IL1RAP: variants seen among roughly 807,000 people sequenced by gnomAD.
IL1RAP encodes interleukin-1 receptor accessory protein.
IL1RAP carries 35 observed loss-of-function variants against 60.7 expected under a neutral mutation model. That is an observed-to-expected ratio of 0.58 (90% confidence interval 0.44 to 0.76). The LOEUF (loss-of-function observed/expected upper bound fraction) is 0.76, where lower values mean the gene tolerates loss of function less well. Among genes scored for constraint, IL1RAP ranks in the 30% least tolerant of loss-of-function variants. The pLI is 0.00. For missense variants in IL1RAP, 572 were observed against 693.9 expected (o/e 0.82, Z 1.97); for synonymous variants, 268 against 250.9 (o/e 1.07, Z -0.64).
intron 5 of IL1RAP, among the ~76,000 whole-genome samples, chr3:190,612,205 C>G (rs1041764379): frequency 3.3e-5 from 5 of 152,030 alleles, no homozygotes; most frequent in Admixed American, 2.6e-4. Context: ...AGTAAAGATA[C>G]AGGAGCTCGT....
intron 2 of IL1RAP, among the ~76,000 whole-genome samples, chr3:190,561,509 A>AT (rs2108619614): frequency 6.6e-6 from 1 of 152,312 alleles, no homozygotes; most frequent in East Asian, 1.9e-4. Context: ...ACTCTTGGGA[A>AT]TATCAATTAA....
chr3:190,582,963 C>A (rs1728135078), intron 3 of IL1RAP, among the ~76,000 whole-genome samples: 1 of 152,172 alleles, frequency 6.6e-6, no homozygotes, highest in Non-Finnish European at 1.5e-5. Flanking sequence ...CCTTCACACA[C>A]TCTCCTCTCA....
At chr3:190,655,134 T>C (rs1253050250), downstream of IL1RAP, among the ~76,000 whole-genome samples, 1 of 152,198 alleles carries the variant, frequency 6.6e-6, no homozygotes, top group Non-Finnish European at 1.5e-5. Flanking sequence ...CCAAAAATGT[T>C]AAGTATCAAA....
chr3:190,555,092 A>G (rs572495379), intron 1 of IL1RAP, among the ~76,000 whole-genome samples: 1 of 152,148 alleles, frequency 6.6e-6, no homozygotes, highest in African/African-American at 2.4e-5. Context: ...CAATGTCGTT[A>G]AGTGAAATTT....
At chr3:190,587,277 T>C (rs138570203) in intron 3 of IL1RAP, among the ~76,000 whole-genome samples, 1 of 152,332 alleles carries the variant, frequency 6.6e-6, no homozygotes, top group African/African-American at 2.4e-5. Context: ...TGTGTAATTG[T>C]GTGGGTATCT....
At chr3:190,580,770 C>T (rs79959019) in intron 3 of IL1RAP, among the ~76,000 whole-genome samples, 8,590 of 152,110 alleles carry the variant, frequency 0.056, 337 homozygotes, top group Non-Finnish European at 0.079. Flanking sequence ...CTTAAGAACT[C>T]GCTAGGAAAT....
chr3:190,531,699 C>T (rs181148692), intron 1 of IL1RAP, among the ~76,000 whole-genome samples: 1 of 152,288 alleles, frequency 6.6e-6, no homozygotes, highest in East Asian at 1.9e-4. Flanking sequence ...CTTCAACAGC[C>T]AGCAGCAAGT....
At chr3:190,530,388 A>C (rs1267472121) in intron 1 of IL1RAP, among the ~76,000 whole-genome samples, 1 of 152,156 alleles carries the variant, frequency 6.6e-6, no homozygotes, top group African/African-American at 2.4e-5. Context: ...ATTAATGAGG[A>C]TTCTATTATA....
At chr3:190,534,294 G>T (rs1723243888) in intron 1 of IL1RAP, among the ~76,000 whole-genome samples, 1 of 150,204 alleles carries the variant, frequency 6.7e-6, no homozygotes, top group Non-Finnish European at 1.5e-5. Flanking sequence ...TTAATGTAAT[G>T]TTACAGCTCG....
At chr3:190,640,898 G>A (rs1323041135) in intron 9 of IL1RAP, among the ~76,000 whole-genome samples, 1 of 152,184 alleles carries the variant, frequency 6.6e-6, no homozygotes, top group Non-Finnish European at 1.5e-5. Flanking sequence ...AAATCAATGA[G>A]AGAAGTTTAG....
At chr3:190,569,447 A>T (rs1251256560) in intron 3 of IL1RAP, among the ~76,000 whole-genome samples, 1 of 152,154 alleles carries the variant, frequency 6.6e-6, no homozygotes, top group Non-Finnish European at 1.5e-5. Flanking sequence ...CTTCATTTCT[A>T]TGTAATTTAG....
intron 3 of IL1RAP, among the ~76,000 whole-genome samples, chr3:190,583,561 G>A (rs1273622358): frequency 2.0e-5 from 3 of 152,200 alleles, no homozygotes; most frequent in Admixed American, 1.3e-4. Context: ...CTCTCTTTGA[G>A]CTCACAATCT....
At chr3:190,584,582 G>T (rs1038581745) in intron 3 of IL1RAP, among the ~76,000 whole-genome samples, 1 of 152,112 alleles carries the variant, frequency 6.6e-6, no homozygotes, top group Non-Finnish European at 1.5e-5. Context: ...GTAGTATCTT[G>T]TGTGATTTTT....
At chr3:190,518,002 C>T (rs992071881) in intron 1 of IL1RAP, 1 of 151,036 alleles carries the variant, frequency 6.6e-6, no homozygotes, top group East Asian at 1.9e-4. Context: ...AAAAGAAACA[C>T]CAAAGAATAG....
chr3:190,540,911 A>T (rs73060104), intron 1 of IL1RAP, among the ~76,000 whole-genome samples: 2,046 of 152,262 alleles, frequency 0.013, 48 homozygotes, highest in African/African-American at 0.047. Flanking sequence ...CAAGATAAAC[A>T]ATAACTTGTC....
chr3:190,640,078 T>G (rs936972833), intron 9 of IL1RAP, among the ~76,000 whole-genome samples: 4 of 152,210 alleles, frequency 2.6e-5, no homozygotes, highest in Non-Finnish European at 4.4e-5. Flanking sequence ...TAGAGTTCCA[T>G]CTCTAAATAG....
intron 5 of IL1RAP, among the ~76,000 whole-genome samples, chr3:190,614,647 G>T (rs1205241267): frequency 6.6e-6 from 1 of 152,190 alleles, no homozygotes; most frequent in East Asian, 1.9e-4. Flanking sequence ...AGAACTAGGA[G>T]CTAAGATTCT....
At chr3:190,637,126 T>C (rs1168511775) in intron 9 of IL1RAP, among the ~76,000 whole-genome samples, 3 of 152,206 alleles carry the variant, frequency 2.0e-5, no homozygotes, top group Admixed American at 1.3e-4. Context: ...TGAATTACAG[T>C]GTACCAACAT....
At chr3:190,539,169 T>C (rs200180775) in intron 1 of IL1RAP, among the ~76,000 whole-genome samples, 1 of 152,140 alleles carries the variant, frequency 6.6e-6, no homozygotes, top group East Asian at 1.9e-4. Context: ...GTCCAGGGGA[T>C]TGTATTTAAA....
Sources: gnomAD v4.1 joint callset for allele counts (sites outside exome capture counted in the v4.1 genomes callset) on GRCh38, gnomAD v4.1.1 for gene constraint, MANE v1.5 for transcripts, NCBI Gene and HGNC (gene_info 2026-07-23, HGNC 2026-07-21) for gene names.